The following PHACTR1 variants were observed in gnomAD, a reference collection of about 807,000 sequenced individuals.
PHACTR1 encodes phosphatase and actin regulator 1.
In PHACTR1, 16 loss-of-function variants were observed where a neutral mutation model predicts 69.2. The observed-to-expected ratio is 0.23, with a 90% CI of 0.16 to 0.35. PHACTR1 has a LOEUF of 0.35. PHACTR1 is among the 10% of genes least tolerant of loss of function. The pLI is 1.00. For synonymous variants in PHACTR1, 312 were observed against 284.5 expected (o/e 1.10, Z -0.97); for missense variants, 510 against 734.7 (o/e 0.69, Z 3.54).
chr6:13,070,606 C>T (rs1434792469), intron 5 of PHACTR1, among the ~76,000 whole-genome samples: 1 of 152,092 alleles, frequency 6.6e-6, no homozygotes, highest in Non-Finnish European at 1.5e-5. Context: ...TCACAGTTAC[C>T]CATGACTTGA....
chr6:13,139,384 A>G (rs6907388), intron 5 of PHACTR1, among the ~76,000 whole-genome samples: 21,298 of 152,160 alleles, frequency 0.14, 1,735 homozygotes, highest in Middle Eastern at 0.2. Context: ...CTTAAGTATC[A>G]GCTGTTTGGT....
intron 3 of PHACTR1, among the ~76,000 whole-genome samples, chr6:12,731,478 C>A (rs1425394564): frequency 6.6e-6 from 1 of 152,188 alleles, no homozygotes; most frequent in East Asian, 1.9e-4. Context: ...CCAAACATCA[C>A]ACTGCAAGAG....
chr6:13,266,079 C>T (rs909799316), intron 10 of PHACTR1, among the ~76,000 whole-genome samples: 3 of 152,108 alleles, frequency 2.0e-5, no homozygotes, highest in African/African-American at 7.2e-5. Flanking sequence ...TTTTCTTCCA[C>T]TCTTCCTTCA....
chr6:12,788,684 G>C (rs1343253699), intron 4 of PHACTR1, among the ~76,000 whole-genome samples: 2 of 152,248 alleles, frequency 1.3e-5, no homozygotes, highest in South Asian at 2.1e-4. Context: ...GCCTTGTCTG[G>C]GTGCCCATTG....
chr6:13,176,888 G>A (rs953005949), intron 6 of PHACTR1, among the ~76,000 whole-genome samples: 2 of 151,980 alleles, frequency 1.3e-5, no homozygotes, highest in East Asian at 3.9e-4. Flanking sequence ...TCAAAAATAT[G>A]AACCATAATT....
intron 4 of PHACTR1, among the ~76,000 whole-genome samples, chr6:12,848,469 A>G (rs1779512533): frequency 6.6e-6 from 1 of 152,186 alleles, no homozygotes; most frequent in Non-Finnish European, 1.5e-5. Flanking sequence ...TCTCATTTCT[A>G]TTAAAAATCT....
intron 4 of PHACTR1, among the ~76,000 whole-genome samples, chr6:12,789,734 C>T (rs1045579325): frequency 6.6e-6 from 1 of 151,328 alleles, no homozygotes; most frequent in African/African-American, 2.4e-5. Context: ...CCCTACTATT[C>T]TTTTTCTTTC....
At chr6:13,266,844 C>T (rs771109810) in intron 10 of PHACTR1, 1 of 152,290 alleles carries the variant, frequency 6.6e-6, no homozygotes, top group Non-Finnish European at 1.5e-5. Context: ...ACCTCCAACA[C>T]TGGGGACTAC....
chr6:13,272,794 G>C, intron 10 of PHACTR1, 66 bp from the exon 11 acceptor site: 2 of 1,613,972 alleles, frequency 1.2e-6, no homozygotes, highest in East Asian at 2.2e-5. Flanking sequence ...TGCAAGGGCC[G>C]AGGAAATTAA....
chr6:12,926,267 C>A (rs1285066925), intron 4 of PHACTR1, among the ~76,000 whole-genome samples: 1 of 152,202 alleles, frequency 6.6e-6, no homozygotes, highest in Non-Finnish European at 1.5e-5. Flanking sequence ...TTGGGTTTTA[C>A]ATTTTTTCCC....
chr6:12,824,746 G>A (rs533784976), intron 4 of PHACTR1, among the ~76,000 whole-genome samples: 1 of 152,188 alleles, frequency 6.6e-6, no homozygotes, highest in South Asian at 2.1e-4. Flanking sequence ...TAGTTCTTGG[G>A]TCCTGATATT....
At chr6:13,136,612 C>G (rs1175041738) in intron 5 of PHACTR1, among the ~76,000 whole-genome samples, 1 of 152,244 alleles carries the variant, frequency 6.6e-6, no homozygotes, top group African/African-American at 2.4e-5. Flanking sequence ...GCCTGTCTCA[C>G]CTTTCGACAT....
intron 3 of PHACTR1, among the ~76,000 whole-genome samples, chr6:12,727,526 A>G (rs934792082): frequency 1.3e-5 from 2 of 152,244 alleles, no homozygotes; most frequent in African/African-American, 4.8e-5. Context: ...AGAGAAAATG[A>G]GAGAACGAGA....
rs1211760127 is a variant in PHACTR1 at position 12,730,773 on chromosome 6, G to GCCCCAGTGTGTGT, written c.103+11927_103+11939dup. Among the ~76,000 whole-genome samples, 8 of 152,012 alleles carry GCCCCAGTGTGTGT rather than the reference G, an allele frequency of 5.3e-5. No homozygotes were observed. In the East Asian group the frequency reaches 9.7e-4, roughly 18 times the overall value. ...CCTCCCACCCTCCGGCCTCCAATAG[G>GCCCCAGTGTGTGT]CCCCAGTGTGTGTTGTTCCCCTTTA... On this transcript the variant is annotated intron_variant, in intron 3 of 14. Transcript: ENST00000332995.
chr6:12,974,620 A>C (rs571102366), intron 4 of PHACTR1, among the ~76,000 whole-genome samples: 9 of 152,200 alleles, frequency 5.9e-5, no homozygotes, highest in Non-Finnish European at 1.2e-4. Flanking sequence ...AATTGGGTGA[A>C]AACTCAATTG....
chr6:12,726,682 A>T (rs1362684558), intron 3 of PHACTR1, among the ~76,000 whole-genome samples: 2 of 152,048 alleles, frequency 1.3e-5, no homozygotes, highest in African/African-American at 2.4e-5. Context: ...TCATGTCATG[A>T]CCTTACATAT....
chr6:12,854,524 C>T (rs146166776), intron 4 of PHACTR1, among the ~76,000 whole-genome samples: 1 of 143,484 alleles, frequency 7.0e-6, no homozygotes, highest in African/African-American at 2.6e-5. Context: ...CAGGGACTTC[C>T]TGAATACCTA....
intron 5 of PHACTR1, among the ~76,000 whole-genome samples, chr6:13,098,086 C>T (rs1814572679): frequency 6.6e-6 from 1 of 152,180 alleles, no homozygotes; most frequent in Non-Finnish European, 1.5e-5. Flanking sequence ...CATACTGAAG[C>T]ACCTCCCATG....
chr6:13,235,870 C>T (rs1298690750), intron 10 of PHACTR1, among the ~76,000 whole-genome samples: 1 of 152,176 alleles, frequency 6.6e-6, no homozygotes, highest in East Asian at 1.9e-4. Context: ...CCTCTGTCCC[C>T]ACCCATACCC....
Sources: gnomAD v4.1 joint callset for allele counts (sites outside exome capture counted in the v4.1 genomes callset) on GRCh38, gnomAD v4.1.1 for gene constraint, MANE v1.5 for transcripts, NCBI Gene and HGNC (gene_info 2026-07-23, HGNC 2026-07-21) for gene names.